The following ABR variants were observed in gnomAD, a reference collection of about 807,000 sequenced individuals.
ABR encodes the protein ABR activator of RhoGEF and GTPase.
A neutral mutation model predicts 107.2 loss-of-function variants in ABR; 35 were observed. The observed-to-expected ratio is 0.33, with a 90% CI of 0.25 to 0.43. The LOEUF (loss-of-function observed/expected upper bound fraction) is 0.43. Ranked by LOEUF, ABR falls within the 20% of genes least tolerant of loss-of-function variation. ABR has a pLI of 1.00. For synonymous variants in ABR, 498 were observed against 462.0 expected, an observed-to-expected ratio of 1.08 and a Z score of -1.00; for missense variants, 815 against 1,115.2, an observed-to-expected ratio of 0.73 and a Z score of 3.83.
intron 5 of ABR, among the ~76,000 whole-genome samples, chr17:1,082,389 G>A (rs886778251): frequency 7.2e-5 from 11 of 152,212 alleles, no homozygotes; most frequent in African/African-American, 2.2e-4. Flanking sequence ...GGAGGAGTGC[G>A]GGAGGAAGGC....
At chr17:1,147,705 T>C (rs1336042168) in intron 1 of ABR, among the ~76,000 whole-genome samples, 3 of 152,068 alleles carry the variant, frequency 2.0e-5, no homozygotes, top group African/African-American at 7.2e-5. Flanking sequence ...CCTAACACCC[T>C]GCTCCCACTC....
At chr17:1,203,952 C>G (rs1778156537) in intron 1 of ABR, among the ~76,000 whole-genome samples, 2 of 152,298 alleles carry the variant, frequency 1.3e-5, no homozygotes, top group Middle Eastern at 3.4e-3. Flanking sequence ...GCTTTCCTGT[C>G]CGGACCTCGG....
Position 1,005,982 on chromosome 17 carries a change from G to C in ABR, c.*98C>G, listed in dbSNP as rs757997639. ...TGGCTTCCCTCGAGTCTGGAGTGCT[G>C]GGTTTGGGAGTTTTCTATTGCAGTC... On this transcript the variant is annotated 3_prime_UTR_variant, in exon 23 of 23. Coordinates refer to ENST00000302538, the MANE Select transcript of ABR (RefSeq NM_021962.5). 1.8e-6 allele frequency: 2 copies of C among 1,142,334 alleles called. No individual in the cohort carries two copies. Among genetic ancestry groups the C allele is most frequent in the South Asian group, 2.7e-5 (2 of 74,914 alleles). The allele number at this position is 1,142,334 out of a possible 1,614,324, so 70.8% of individuals were successfully genotyped here.
chr17:1,124,981 G>A (rs529798118), intron 2 of ABR, among the ~76,000 whole-genome samples: 4 of 152,146 alleles, frequency 2.6e-5, no homozygotes, highest in South Asian at 2.1e-4. Flanking sequence ...GGGCGGCAGC[G>A]TTGGCAAAGC....
chr17:1,195,141 A>T (rs1278614263), intron 1 of ABR, among the ~76,000 whole-genome samples: 71 of 142,278 alleles, frequency 5.0e-4, no homozygotes, highest in South Asian at 7.0e-4. Context: ...CCCCGTCTCT[A>T]CTAAAAATAC....
At chr17:1,191,242 G>A (rs1403276551), upstream of ABR, among the ~76,000 whole-genome samples, 6 of 152,116 alleles carry the variant, frequency 3.9e-5, no homozygotes, top group Admixed American at 6.5e-5. Flanking sequence ...AGCAGACGGC[G>A]GTTGGTCTGC....
chr17:1,066,739 G>A (rs867635245), intron 10 of ABR, among the ~76,000 whole-genome samples: 11 of 152,120 alleles, frequency 7.2e-5, no homozygotes, highest in African/African-American at 2.4e-4. Flanking sequence ...ATGTTGGCCA[G>A]GCTGGTCTCG....
chr17:1,039,005 A>ACACT (rs953413032), intron 16 of ABR, among the ~76,000 whole-genome samples: 1 of 152,094 alleles, frequency 6.6e-6, no homozygotes, highest in Non-Finnish European at 1.5e-5. Flanking sequence ...ACCCGAGAGG[A>ACACT]CACTCTCTGA....
intron 6 of ABR, among the ~76,000 whole-genome samples, chr17:1,074,252 G>A (rs1474528589): frequency 6.7e-6 from 1 of 149,736 alleles, no homozygotes; most frequent in Non-Finnish European, 1.5e-5. Flanking sequence ...GCCCCGTAGA[G>A]TCCAGCACAC....
intron 1 of ABR, among the ~76,000 whole-genome samples, chr17:1,162,743 G>A (rs553328164): frequency 6.7e-6 from 1 of 150,166 alleles, no homozygotes; most frequent in Non-Finnish European, 1.5e-5. Context: ...TGAAAGGCTA[G>A]GCCAAGCACC....
chr17:1,006,304 T>C (rs922193078), intron 22 of ABR, 135 bp from the exon 23 acceptor site: 1 of 809,762 alleles, frequency 1.2e-6, no homozygotes, highest in African/African-American at 1.7e-5. Flanking sequence ...CCAGGTGTGT[T>C]TGCCTTTCTG....
At chr17:1,017,375 G>A (rs1263827486) in intron 16 of ABR, among the ~76,000 whole-genome samples, 1 of 151,822 alleles carries the variant, frequency 6.6e-6, no homozygotes, top group African/African-American at 2.4e-5. Context: ...CTGTCCCCCA[G>A]CAGTAGCCAC....
At chr17:1,166,102 ACCT>A (rs1451828038) in intron 1 of ABR, among the ~76,000 whole-genome samples, 3 of 129,412 alleles carry the variant, frequency 2.3e-5, no homozygotes, top group Admixed American at 1.7e-4. Context: ...GCGTGGTCCC[ACCT>A]CTGCTCTCCC....
intron 1 of ABR, among the ~76,000 whole-genome samples, chr17:1,158,692 G>A (rs748358647): frequency 6.6e-6 from 1 of 151,854 alleles, no homozygotes; most frequent in Non-Finnish European, 1.5e-5. Flanking sequence ...GAACCTGGGA[G>A]TTGGAAGTTG....
Position 1,078,974 on chromosome 17 carries a change from T to A in ABR, c.700+356A>T. 12 of 1,437,458 alleles carry A rather than the reference T, an allele frequency of 8.3e-6. No homozygotes were observed. Among genetic ancestry groups the A allele is most frequent in the Non-Finnish European group, 1.1e-5 (12 of 1,087,752 alleles). 89.0% of individuals were successfully genotyped at this position (1,437,458 alleles called of 1,614,324 possible). A position where few individuals can be genotyped will look rare whatever the true frequency, so the allele number is the denominator to read the frequency against. ...TGATGCTGCCGCACGGACTCCAGCA[T>A]CGGGCAGCCGCTCCGGAGTGCTCTT... On this transcript the variant is annotated intron_variant, in intron 6 of 22. Transcript: ENST00000302538. The surrounding 1 kb of genome is among the most constrained non-coding windows in gnomAD (Gnocchi z 7.5).
At chr17:1,048,079 T>G (rs915678704) in intron 16 of ABR, among the ~76,000 whole-genome samples, 3 of 152,052 alleles carry the variant, frequency 2.0e-5, no homozygotes, top group Admixed American at 2.0e-4. Context: ...TGCCTGTCCC[T>G]CTAGCCCAGC....
At chr17:1,042,337 A>G (rs1300407497) in intron 16 of ABR, among the ~76,000 whole-genome samples, 2 of 150,960 alleles carry the variant, frequency 1.3e-5, no homozygotes, top group Non-Finnish European at 2.9e-5. Context: ...CGGATGAATA[A>G]ACAGACGTGG....
intron 2 of ABR, chr17:1,109,208 G>T: frequency 8.6e-7 from 1 of 1,168,498 alleles, no homozygotes; most frequent in Non-Finnish European, 1.1e-6. Flanking sequence ...ACCCGGGACT[G>T]CATCCCGGAC....
chr17:1,013,724 C>G (rs939844166), intron 16 of ABR, among the ~76,000 whole-genome samples: 3 of 152,214 alleles, frequency 2.0e-5, no homozygotes, highest in African/African-American at 7.2e-5. Flanking sequence ...ACAGAACCTG[C>G]CTCCCTGGGA....
Sources: allele counts gnomAD v4.1 joint callset (sites outside exome capture counted in the v4.1 genomes callset), GRCh38; gene constraint gnomAD v4.1.1; non-coding constraint Gnocchi (gnomAD v3.1); transcripts MANE v1.5; gene names NCBI Gene and HGNC (gene_info 2026-07-23, HGNC 2026-07-21).